TRPC6: variants seen among roughly 807,000 people sequenced by gnomAD.
The protein encoded by TRPC6 is short transient receptor potential channel 6.
A neutral mutation model predicts 90.7 loss-of-function variants in TRPC6; 55 were observed. The observed-to-expected ratio is 0.61, with a 90% CI of 0.49 to 0.76. The LOEUF is 0.76. Among genes scored for constraint, TRPC6 ranks in the 30% least tolerant of loss-of-function variants. The probability of loss-of-function intolerance (pLI) is 0.00; values close to 1 mark genes in which losing one functional copy is unlikely to be tolerated. For missense variants in TRPC6, 989 were observed against 1,122.7 expected (o/e 0.88, Z 1.70); for synonymous variants, 393 against 393.0 (o/e 1.00, Z 0.00).
At chr11:101,507,006 A>AAC (rs10590147) in intron 1 of TRPC6, among the ~76,000 whole-genome samples, 6,261 of 131,054 alleles carry the variant, frequency 0.048, 184 homozygotes, top group African/African-American at 0.093. Context: ...CTCTCTCTCT[A>AAC]ACACACACAC....
chr11:101,469,004 A>G (rs1859220197), intron 10 of TRPC6, among the ~76,000 whole-genome samples: 1 of 152,204 alleles, frequency 6.6e-6, no homozygotes, highest in African/African-American at 2.4e-5. Flanking sequence ...GGTGTCGACC[A>G]CAATAGCCAT....
chr11:101,559,664 AG>A (rs1861668874), intron 1 of TRPC6, among the ~76,000 whole-genome samples: 1 of 150,894 alleles, frequency 6.6e-6, no homozygotes. Flanking sequence ...TTTAAGTTTT[AG>A]GGTACATGTG....
At chr11:101,455,973 A>G (rs1164859368) in intron 10 of TRPC6, among the ~76,000 whole-genome samples, 1 of 152,190 alleles carries the variant, frequency 6.6e-6, no homozygotes, top group Non-Finnish European at 1.5e-5. Flanking sequence ...AAATATGGCA[A>G]GATTGATAAG....
intron 1 of TRPC6, among the ~76,000 whole-genome samples, chr11:101,558,435 A>C (rs114264658): frequency 0.021 from 1,997 of 94,478 alleles, 610 homozygotes; most frequent in African/African-American, 0.066. Context: ...ATCTACATAT[A>C]TACATATATA....
At chr11:101,561,545 T>G (rs2136866823) in intron 1 of TRPC6, among the ~76,000 whole-genome samples, 1 of 152,214 alleles carries the variant, frequency 6.6e-6, no homozygotes, top group East Asian at 1.9e-4. Context: ...CTACTCTACA[T>G]CTGACCCAAG....
At chr11:101,523,936 G>C (rs1860717941) in intron 1 of TRPC6, among the ~76,000 whole-genome samples, 1 of 152,114 alleles carries the variant, frequency 6.6e-6, no homozygotes, top group South Asian at 2.1e-4. Context: ...ATTGTCCCCT[G>C]TTATTCCTCT....
chr11:101,550,920 T>C (rs560295536), intron 1 of TRPC6, among the ~76,000 whole-genome samples: 19 of 151,980 alleles, frequency 1.3e-4, no homozygotes, highest in African/African-American at 4.6e-4. Context: ...CATAGTTTAT[T>C]AGATCATGGT....
At chr11:101,559,681 C>A (rs920305933) in intron 1 of TRPC6, among the ~76,000 whole-genome samples, 1 of 151,054 alleles carries the variant, frequency 6.6e-6, no homozygotes, top group Non-Finnish European at 1.5e-5. Flanking sequence ...ATGTGCACAA[C>A]GTGCAGGTTT....
intron 5 of TRPC6, among the ~76,000 whole-genome samples, chr11:101,477,109 G>A (rs1251833206): frequency 1.3e-5 from 2 of 151,528 alleles, no homozygotes; most frequent in African/African-American, 2.4e-5. Flanking sequence ...TGGGAGACAT[G>A]GGACTCTTCT....
chr11:101,555,590 T>C (rs531053255), intron 1 of TRPC6, among the ~76,000 whole-genome samples: 67 of 152,324 alleles, frequency 4.4e-4, no homozygotes, highest in African/African-American at 1.6e-3. Context: ...TTTCATCTTT[T>C]TGGAAGAAAG....
chr11:101,476,275 T>G, intron 6 of TRPC6, 26 bp downstream of exon 6: 1 of 1,595,990 alleles, frequency 6.3e-7, no homozygotes, highest in Non-Finnish European at 8.6e-7. Flanking sequence ...GCATTTTTAT[T>G]TATATTGACT....
chr11:101,524,795 T>A (rs1330945992), intron 1 of TRPC6, among the ~76,000 whole-genome samples: 6 of 152,230 alleles, frequency 3.9e-5, no homozygotes, highest in Non-Finnish European at 8.8e-5. Flanking sequence ...ATGGAAGGAA[T>A]AAGTACAGGT....
At chr11:101,510,472 T>C (rs1401703996) in intron 1 of TRPC6, among the ~76,000 whole-genome samples, 2 of 152,126 alleles carry the variant, frequency 1.3e-5, no homozygotes, top group Non-Finnish European at 2.9e-5. Flanking sequence ...AATTCGGCTC[T>C]TCTATTTATG....
intron 1 of TRPC6, among the ~76,000 whole-genome samples, chr11:101,581,578 T>C (rs1361993604): frequency 6.6e-6 from 1 of 152,136 alleles, no homozygotes; most frequent in Non-Finnish European, 1.5e-5. Context: ...AGCCAGGAGG[T>C]AATGTTGCCA....
chr11:101,521,363 A>G (rs895211834), intron 1 of TRPC6, among the ~76,000 whole-genome samples: 3 of 152,206 alleles, frequency 2.0e-5, no homozygotes, highest in African/African-American at 4.8e-5. Context: ...GGTGGCTTCC[A>G]TGTCATGATA....
intron 1 of TRPC6, among the ~76,000 whole-genome samples, chr11:101,545,753 G>A (rs1459664243): frequency 1.3e-5 from 2 of 152,144 alleles, no homozygotes; most frequent in African/African-American, 4.8e-5. Flanking sequence ...AGATGATGGA[G>A]AGGGCTTTAT....
At chr11:101,526,372 T>C (rs1440013359) in intron 1 of TRPC6, among the ~76,000 whole-genome samples, 1 of 152,218 alleles carries the variant, frequency 6.6e-6, no homozygotes, top group Non-Finnish European at 1.5e-5. Context: ...AACTTTTCTA[T>C]AAGATACATG....
chr11:101,569,300 T>C (rs2136882450), intron 1 of TRPC6, among the ~76,000 whole-genome samples: 1 of 152,062 alleles, frequency 6.6e-6, no homozygotes, highest in South Asian at 2.1e-4. Flanking sequence ...AACGGATCAA[T>C]GCAACAAGAA....
At chr11:101,453,543 G>T in intron 12 of TRPC6, 107 bp downstream of exon 12, 1 of 1,091,396 alleles carries the variant, frequency 9.2e-7, no homozygotes, top group Non-Finnish European at 1.4e-6. Context: ...TTTTCCCCTT[G>T]AAGTTCACTC....
Sources: gnomAD v4.1 joint callset for allele counts (sites outside exome capture counted in the v4.1 genomes callset) on GRCh38, gnomAD v4.1.1 for gene constraint, MANE v1.5 for transcripts, NCBI Gene and HGNC (gene_info 2026-07-23, HGNC 2026-07-21) for gene names.